The following AKAP6 variants were observed in gnomAD, a reference collection of about 807,000 sequenced individuals.
The protein encoded by AKAP6 is A-kinase anchor protein 6.
Under a neutral mutation model 188.5 loss-of-function variants are expected in AKAP6, and 58 were observed. The observed-to-expected ratio is 0.31, with a 90% CI of 0.25 to 0.38. The LOEUF (loss-of-function observed/expected upper bound fraction) is 0.38, where lower values mean the gene tolerates loss of function less well. Among genes scored for constraint, AKAP6 ranks in the 10% least tolerant of loss-of-function variants. AKAP6 has a pLI of 1.00. For synonymous variants in AKAP6, 989 were observed against 998.6 expected, an observed-to-expected ratio of 0.99 and a Z score of 0.18; for missense variants, 2,710 against 2,740.0, an observed-to-expected ratio of 0.99 and a Z score of 0.24.
chr14:32,697,190 A>G (rs373515539), intron 9 of AKAP6, among the ~76,000 whole-genome samples: 20 of 152,130 alleles, frequency 1.3e-4, no homozygotes, highest in East Asian at 7.7e-4. Context: ...TACCTCCTCT[A>G]AAGAGAGATA....
intron 3 of AKAP6, among the ~76,000 whole-genome samples, chr14:32,538,719 T>G (rs1882793402): frequency 6.6e-6 from 1 of 152,158 alleles, no homozygotes; most frequent in Admixed American, 6.5e-5. Context: ...TTTGTTTCAT[T>G]TAGGAAGGAA....
chr14:32,522,772 G>C (rs972724415), intron 2 of AKAP6, among the ~76,000 whole-genome samples: 3 of 152,182 alleles, frequency 2.0e-5, no homozygotes, highest in African/African-American at 7.2e-5. Context: ...CGTTGTGGAA[G>C]ACAGTGTGGC....
rs1336330248 is a variant in AKAP6 at position 32,568,660 on chromosome 14, T to C, written c.2347-8460T>C. Among the ~76,000 whole-genome samples the C allele has an allele frequency of 2.0e-5, 3 of 152,164 alleles. No individual in the cohort carries two copies. Among genetic ancestry groups the C allele is most frequent in the South Asian group, 2.1e-4 (1 of 4,828 alleles). ...CTGCCAAGCTTTGGGGCAGTCATAC[T>C]ACCTGAATGAGGGGTCCCCAGCTTC... On this transcript the variant is annotated intron_variant, in intron 4 of 13. Transcript: ENST00000280979. This position sits in a 1 kb window ranked among gnomAD's most constrained non-coding sequence, Gnocchi z 6.2.
chr14:32,588,045 GA>G (rs1228374730), intron 5 of AKAP6, among the ~76,000 whole-genome samples: 1 of 151,944 alleles, frequency 6.6e-6, no homozygotes, highest in African/African-American at 2.4e-5. Context: ...ATACTTACTG[GA>G]AAAAAATCAA....
At chr14:32,794,200 C>A (rs2033695392) in intron 12 of AKAP6, among the ~76,000 whole-genome samples, 1 of 152,164 alleles carries the variant, frequency 6.6e-6, no homozygotes, top group Non-Finnish European at 1.5e-5. Context: ...CAAAATCACA[C>A]AACTACGTGG....
rs771322351 is a variant in AKAP6 at position 32,823,392 on chromosome 14, A to G, written c.5579A>G (p.Asn1860Ser). 1 of 1,613,864 alleles carries G rather than the reference A, an allele frequency of 6.2e-7. No homozygotes were observed. ...TCTGTAAAACGTGTCTCTGAAAATA[A>G]TGGAAATGGTAAGAATTCATCTCAT... ...NGSVKRVSEN[N>S]GNGKNSSHTH... is the part of the protein sequence containing the mutation. Residue 1860 changes from asparagine to serine, a missense_variant, in exon 13 of 14, where the codon AAT becomes AGT. Around this residue, in one of 2 missense-constraint regions of AKAP6, gnomAD observed 2,473 missense variants for 2,426.1 expected, o/e 1.02. Transcript: ENST00000280979.
intron 1 of AKAP6, among the ~76,000 whole-genome samples, chr14:32,372,282 G>A (rs533462517): frequency 6.6e-6 from 1 of 151,880 alleles, no homozygotes; most frequent in Non-Finnish European, 1.5e-5. Flanking sequence ...TACTTGTGAT[G>A]CATTTTTTTT....
chr14:32,506,902 C>T (rs923446911), intron 2 of AKAP6, among the ~76,000 whole-genome samples: 2 of 152,104 alleles, frequency 1.3e-5, no homozygotes, highest in African/African-American at 4.8e-5. Flanking sequence ...TATAATTATA[C>T]ACATTCATAC....
intron 5 of AKAP6, among the ~76,000 whole-genome samples, chr14:32,580,229 G>A (rs1473309677): frequency 6.6e-6 from 1 of 152,044 alleles, no homozygotes; most frequent in Admixed American, 6.6e-5. Context: ...AAATTGCAAT[G>A]ATACATCAAT....
chr14:32,432,165 G>A (rs1890247751), intron 1 of AKAP6, among the ~76,000 whole-genome samples: 1 of 151,318 alleles, frequency 6.6e-6, no homozygotes, highest in East Asian at 1.9e-4. Flanking sequence ...CATCTTTGGG[G>A]AAATAACAAT....
chr14:32,362,784 C>T (rs1038139156), intron 1 of AKAP6, among the ~76,000 whole-genome samples: 1 of 152,120 alleles, frequency 6.6e-6, no homozygotes, highest in Non-Finnish European at 1.5e-5. Context: ...GTTGCACAAT[C>T]AGATCTATTT....
chr14:32,823,659 G>T lies in AKAP6; in HGVS notation c.5846G>T (p.Gly1949Val). 6.2e-7 allele frequency: 1 copy of T among 1,613,722 alleles called. No homozygotes were observed. Among genetic ancestry groups the T allele is most frequent in the Non-Finnish European group, 8.5e-7 (1 of 1,179,884 alleles). Residue 1949 changes from glycine (G) to valine (V), a missense_variant, in exon 13 of 14, where the codon GGC (glycine) becomes GTC (valine). Coordinates refer to ENST00000280979, the MANE Select transcript of AKAP6 (RefSeq NM_004274.5). Reference protein sequence around the residue: ...MDSLDDSNTAGKEFVSQDVRH... With the variant: ...MDSLDDSNTAVKEFVSQDVRH... ...AGTTTAGATGATTCAAATACTGCTG[G>T]CAAGGAATTTGTTTCCCAAGATGTT... is the stretch of plus-strand genomic sequence containing the variant.
chr14:32,714,273 G>A (rs1435189379), intron 9 of AKAP6, among the ~76,000 whole-genome samples: 1 of 151,926 alleles, frequency 6.6e-6, no homozygotes, highest in Non-Finnish European at 1.5e-5. Context: ...TGAAAAATTT[G>A]AAATATTGAC....
At chr14:32,665,116 G>A (rs1227294420) in intron 7 of AKAP6, among the ~76,000 whole-genome samples, 1 of 151,972 alleles carries the variant, frequency 6.6e-6, no homozygotes, top group Non-Finnish European at 1.5e-5. Flanking sequence ...CATATTTGGG[G>A]GTGGGGAGAG....
At chr14:32,492,355 T>TATATATAG in intron 2 of AKAP6, among the ~76,000 whole-genome samples, 12 of 82,608 alleles carry the variant, frequency 1.5e-4, no homozygotes, top group African/African-American at 3.6e-4. Context: ...TATATATATA[T>TATATATAG]AGAGAGAGAG....
intron 4 of AKAP6, among the ~76,000 whole-genome samples, chr14:32,557,958 G>A (rs567802380): frequency 2.0e-5 from 3 of 152,082 alleles, no homozygotes; most frequent in African/African-American, 7.2e-5. Context: ...ATGACACTAT[G>A]AGTTGTCTCT....
intron 1 of AKAP6, among the ~76,000 whole-genome samples, chr14:32,418,844 T>C (rs1468812805): frequency 1.3e-5 from 2 of 152,210 alleles, no homozygotes; most frequent in Non-Finnish European, 2.9e-5. Context: ...TTGTGTCCCA[T>C]GCTTTTATTA....
At chr14:32,496,293 G>A (rs1223519344) in intron 2 of AKAP6, among the ~76,000 whole-genome samples, 1 of 152,058 alleles carries the variant, frequency 6.6e-6, no homozygotes, top group African/African-American at 2.4e-5. Context: ...TTTTTTGCAT[G>A]TCAGGTTCTT....
At chr14:32,605,707 G>T (rs1886101827) in intron 7 of AKAP6, among the ~76,000 whole-genome samples, 1 of 152,116 alleles carries the variant, frequency 6.6e-6, no homozygotes, top group African/African-American at 2.4e-5. Context: ...CTCTTTCCAT[G>T]ACGTGACCTT....
Sources: gnomAD v4.1 joint callset for allele counts (sites outside exome capture counted in the v4.1 genomes callset) on GRCh38, gnomAD v4.1.1 for gene constraint, gnomAD v4.1.1 regional missense constraint, Gnocchi (gnomAD v3.1) non-coding constraint, MANE v1.5 for transcripts, NCBI Gene and HGNC (gene_info 2026-07-23, HGNC 2026-07-21) for gene names.